The following CRACR2A variants were observed in gnomAD, a reference collection of about 807,000 sequenced individuals.
CRACR2A encodes calcium release activated channel regulator 2A.
A neutral mutation model predicts 90.5 loss-of-function variants in CRACR2A; 79 were observed. That is an observed-to-expected ratio of 0.87 (90% CI 0.73 to 1.05). The LOEUF (loss-of-function observed/expected upper bound fraction) is 1.05, where lower values mean the gene tolerates loss of function less well. Ranked by LOEUF, CRACR2A falls within the 50% of genes least tolerant of loss-of-function variation. The pLI, the probability that CRACR2A is intolerant of heterozygous loss-of-function variation, is 0.00. For synonymous variants in CRACR2A, 338 were observed against 356.7 expected (o/e 0.95, Z 0.59); for missense variants, 823 against 897.2 (o/e 0.92, Z 1.06).
At chr12:3,654,654 C>T (rs1296829477) in intron 9 of CRACR2A, among the ~76,000 whole-genome samples, 2 of 152,230 alleles carry the variant, frequency 1.3e-5, no homozygotes, top group Non-Finnish European at 2.9e-5. Flanking sequence ...CCAGGAGGAG[C>T]TGCTCCACTC....
At chr12:3,735,127 C>T (rs925958422) in intron 1 of CRACR2A, among the ~76,000 whole-genome samples, 5 of 152,160 alleles carry the variant, frequency 3.3e-5, no homozygotes, top group African/African-American at 1.2e-4. Flanking sequence ...ATTGGGCTAT[C>T]ATTTCATAAT....
At chr12:3,630,717 A>G (rs1056335918) in intron 15 of CRACR2A, among the ~76,000 whole-genome samples, 1 of 152,232 alleles carries the variant, frequency 6.6e-6, no homozygotes, top group Middle Eastern at 3.2e-3. Flanking sequence ...GCATTCTGCT[A>G]AAACCATCCG....
intron 15 of CRACR2A, among the ~76,000 whole-genome samples, chr12:3,630,110 G>A (rs1274250682): frequency 6.6e-6 from 1 of 152,170 alleles, no homozygotes; most frequent in African/African-American, 2.4e-5. Context: ...TCGGTAGACG[G>A]CAGTGAGATG....
At chr12:3,629,823 G>T (rs1019244811) in intron 15 of CRACR2A, among the ~76,000 whole-genome samples, 1 of 142,928 alleles carries the variant, frequency 7.0e-6, no homozygotes, top group East Asian at 2.1e-4. Flanking sequence ...TGGGGGCTGG[G>T]TGTGAAGGAC....
chr12:3,695,748 T>C (rs559227570), intron 4 of CRACR2A, among the ~76,000 whole-genome samples: 55 of 152,352 alleles, frequency 3.6e-4, no homozygotes, highest in African/African-American at 9.9e-4. Flanking sequence ...ACTACTCTGA[T>C]GGAGTGAGTG....
At chr12:3,716,316 C>G (rs954908661) in intron 2 of CRACR2A, among the ~76,000 whole-genome samples, 1 of 152,186 alleles carries the variant, frequency 6.6e-6, no homozygotes. Context: ...CCTGTTTCAT[C>G]CCCTGTTACA....
intron 2 of CRACR2A, 61 bp from the exon 3 acceptor site, chr12:3,713,378 G>A: frequency 1.1e-6 from 1 of 911,402 alleles, no homozygotes; most frequent in Non-Finnish European, 1.3e-6. Context: ...CAACAGAAGT[G>A]GCTTTATAGC....
chr12:3,705,652 G>A (rs1945905760), intron 3 of CRACR2A, among the ~76,000 whole-genome samples: 1 of 152,220 alleles, frequency 6.6e-6, no homozygotes. Flanking sequence ...CGGAGCTGGC[G>A]ATGCCTGATA....
intron 4 of CRACR2A, among the ~76,000 whole-genome samples, chr12:3,688,886 T>C (rs1945608500): frequency 1.3e-5 from 2 of 152,226 alleles, no homozygotes; most frequent in African/African-American, 2.4e-5. Context: ...TAGTTCTCCT[T>C]ATACAGATCT....
chr12:3,658,820 C>CT lies in CRACR2A; in HGVS notation c.762+743dup, dbSNP rs144416045. Among the ~76,000 whole-genome samples, 370 of 145,906 alleles carry CT rather than the reference C, an allele frequency of 2.5e-3. 2 individuals are homozygous for CT. In the South Asian group the frequency reaches 0.028, roughly 11 times the overall value. ...ATGGGTACTAGAGAGTTCTCTGAAG[C>CT]TTTTTTTTTTTTAAATTAGTTTTAT... On this transcript the variant is annotated intron_variant, in intron 8 of 19. Coordinates refer to ENST00000440314, the MANE Select transcript of CRACR2A (RefSeq NM_001144958.2).
At chr12:3,725,633 C>A (rs1196130695) in intron 2 of CRACR2A, among the ~76,000 whole-genome samples, 1 of 152,190 alleles carries the variant, frequency 6.6e-6, no homozygotes, top group African/African-American at 2.4e-5. Context: ...ACCATTCGCC[C>A]CTCTGCAGGC....
At chr12:3,737,606 G>A (rs1022777801) in intron 1 of CRACR2A, among the ~76,000 whole-genome samples, 40 of 152,170 alleles carry the variant, frequency 2.6e-4, no homozygotes, top group African/African-American at 9.7e-4. Context: ...TTGGACCAGG[G>A]CAATGGCAGC....
intron 3 of CRACR2A, among the ~76,000 whole-genome samples, chr12:3,699,576 T>G (rs919402181): frequency 1.3e-5 from 2 of 152,124 alleles, no homozygotes; most frequent in Non-Finnish European, 2.9e-5. Context: ...GCCTGAGAAA[T>G]AGTAGAGAGG....
chr12:3,752,343 C>CACACACACACGG (rs1565514146), intron 1 of CRACR2A, among the ~76,000 whole-genome samples: 1 of 21,918 alleles, frequency 4.6e-5, no homozygotes, highest in African/African-American at 8.8e-5. Flanking sequence ...CACGGACACA[C>CACACACACACGG]ACACACACAC....
intron 2 of CRACR2A, among the ~76,000 whole-genome samples, chr12:3,714,789 T>A (rs937601974): frequency 6.6e-6 from 1 of 152,212 alleles, no homozygotes; most frequent in African/African-American, 2.4e-5. Flanking sequence ...AGGGGCCAGA[T>A]CTTAGGGTGA....
chr12:3,623,369 A>C (rs1944187079), intron 17 of CRACR2A, among the ~76,000 whole-genome samples: 1 of 152,188 alleles, frequency 6.6e-6, no homozygotes, highest in African/African-American at 2.4e-5. Flanking sequence ...CCAGGAATCT[A>C]GTGCCATCAG....
intron 2 of CRACR2A, among the ~76,000 whole-genome samples, chr12:3,714,366 C>T (rs1252078614): frequency 6.6e-6 from 1 of 152,082 alleles, no homozygotes; most frequent in Admixed American, 6.5e-5. Flanking sequence ...GCAAGATAAC[C>T]CCCTCTCTAA....
intron 2 of CRACR2A, among the ~76,000 whole-genome samples, chr12:3,720,443 G>GAAAGAAAGAAAGA (rs1367579221): frequency 8.5e-5 from 11 of 128,896 alleles, no homozygotes; most frequent in Non-Finnish European, 3.5e-5. Context: ...AAGAAAGAAA[G>GAAAGAAAGAAAGA]AAAGAAAGAA....
At chr12:3,737,992 G>T (rs1176652645) in intron 1 of CRACR2A, among the ~76,000 whole-genome samples, 3 of 152,224 alleles carry the variant, frequency 2.0e-5, no homozygotes, top group Non-Finnish European at 4.4e-5. Flanking sequence ...CTGTGGGGTG[G>T]GGTGCCAGGC....
Sources: allele counts gnomAD v4.1 joint callset (sites outside exome capture counted in the v4.1 genomes callset), GRCh38; gene constraint gnomAD v4.1.1; transcripts MANE v1.5; gene names NCBI Gene and HGNC (gene_info 2026-07-23, HGNC 2026-07-21).